The following SUN1 variants were observed in gnomAD, a reference collection of about 807,000 sequenced individuals.
SUN1 encodes SUN domain-containing protein 1.
In SUN1, 61 loss-of-function variants were observed where a neutral mutation model predicts 103.2. The observed-to-expected ratio is 0.59, with a 90% CI of 0.48 to 0.73. The LOEUF (loss-of-function observed/expected upper bound fraction) is 0.73. SUN1 is among the 30% of genes least tolerant of loss of function. SUN1 has a pLI of 0.00. For synonymous variants in SUN1, 490 were observed against 425.7 expected (o/e 1.15, Z -1.86); for missense variants, 1,052 against 1,034.6 (o/e 1.02, Z -0.23).
chr7:849,967 G>T (rs562491241), intron 5 of SUN1: 4 of 1,601,962 alleles, frequency 2.5e-6, no homozygotes, highest in Non-Finnish European at 3.4e-6. Context: ...GCACACAGCC[G>T]CCCACTCGCA....
At chr7:866,789 C>T (rs1837318019) in intron 16 of SUN1, among the ~76,000 whole-genome samples, 1 of 144,478 alleles carries the variant, frequency 6.9e-6, no homozygotes, top group Non-Finnish European at 1.5e-5. Context: ...CTCCCCGCCC[C>T]CTTCTCCCTG....
At chr7:848,116 G>A (rs1406793849) in intron 5 of SUN1, among the ~76,000 whole-genome samples, 2 of 150,556 alleles carry the variant, frequency 1.3e-5, no homozygotes, top group Non-Finnish European at 3.0e-5. Context: ...CCCTCTCCGG[G>A]ATCCCCTGGG....
At chr7:853,075 C>T (rs1823773274) in intron 9 of SUN1, 123 bp downstream of exon 9, 1 of 1,318,810 alleles carries the variant, frequency 7.6e-7, no homozygotes, top group Non-Finnish European at 1.0e-6. Flanking sequence ...TTTTAAATGT[C>T]AGATAAGCAA....
intron 1 of SUN1, among the ~76,000 whole-genome samples, chr7:836,946 G>A (rs1489551809): frequency 2.0e-5 from 3 of 152,232 alleles, no homozygotes; most frequent in Non-Finnish European, 4.4e-5. Flanking sequence ...CGTCAGACGT[G>A]GGGCGGATGG....
intron 13 of SUN1, among the ~76,000 whole-genome samples, chr7:859,809 C>T (rs1401381795): frequency 6.6e-6 from 1 of 152,180 alleles, no homozygotes; most frequent in Admixed American, 6.5e-5. Context: ...ACCTGTGCGC[C>T]TCGCTGCGGG....
rs894249100 is a variant in SUN1 at position 839,632 on chromosome 7, A to G, written c.266+646A>G. Among the ~76,000 whole-genome samples the G allele has an allele frequency of 2.8e-5, 2 of 71,914 alleles. 1 individual carries two copies. Among genetic ancestry groups the G allele is most frequent in the Non-Finnish European group, 5.8e-5 (2 of 34,402 alleles). The allele number at this position is 71,914 out of a possible 152,430, so 47.2% of individuals were successfully genotyped here. On this transcript the variant is annotated intron_variant, in intron 2 of 18. Coordinates refer to ENST00000401592, the MANE Select transcript of SUN1 (RefSeq NM_001130965.3). ...TGGTGGCGTGATCTTGGCTCACTGCAGCCTCTGCCTCCCGGGTTCAAGAGA... is the reference window on the plus strand; with the variant it reads ...TGGTGGCGTGATCTTGGCTCACTGCGGCCTCTGCCTCCCGGGTTCAAGAGA...
In SUN1 at chr7:843,459, G is replaced by A. The variant is rs374832216; in HGVS notation, c.597G>A (p.Thr199=). ...TGTCCGAGCGCAAGGACGTGCTCAC[G>A]GCGCACCCCGCGGCCCCCGGGCCCG... ...SMLSERKDVL[T]AHPAAPGPVS... is the part of the protein sequence containing the mutation. Residue 199 remains threonine (T), a synonymous_variant, in exon 5 of 19, where the codon ACG becomes ACA. Coordinates refer to ENST00000401592, the MANE Select transcript of SUN1 (RefSeq NM_001130965.3). The A allele has an allele frequency of 5.8e-5, 94 of 1,613,986 alleles. No individual in the cohort carries two copies. The highest frequency in any genetic ancestry group is 1.6e-4 in the Middle Eastern group (1 of 6,084).
intron 1 of SUN1, chr7:832,815 T>G (rs1584256857): frequency 1.9e-6 from 1 of 536,638 alleles, no homozygotes; most frequent in Non-Finnish European, 3.3e-6. Flanking sequence ...GACTGGGTGG[T>G]TAGTCATCGC....
Position 859,202 on chromosome 7 carries a change from G to C in SUN1, c.1525-926G>C, listed in dbSNP as rs186621320. Among the ~76,000 whole-genome samples, 5 of 152,126 alleles carry C rather than the reference G, an allele frequency of 3.3e-5. No homozygotes were observed. In the East Asian group the frequency reaches 7.7e-4, roughly 24 times the overall value. ...AAAAGCATGTCACCGTGCTATCAGG[G>C]AGCTGAGTCCTACTGATGGGACTTG... On this transcript the variant is annotated intron_variant, in intron 13 of 18. Transcript: ENST00000401592.
chr7:869,141 T>A, intron 16 of SUN1: 8 of 604,332 alleles, frequency 1.3e-5, no homozygotes, highest in East Asian at 5.8e-5. Flanking sequence ...TCGTTTTAAC[T>A]TTTATACAAC....
At chr7:866,516 G>A (rs13308837) in intron 16 of SUN1, among the ~76,000 whole-genome samples, 9 of 23,518 alleles carry the variant, frequency 3.8e-4, no homozygotes, top group South Asian at 1.3e-3. Context: ...TTTGCCCCCC[G>A]TCTCCCCGGG....
chr7:815,933 A>G, upstream of SUN1: 1 of 208,982 alleles, frequency 4.8e-6, no homozygotes, highest in Non-Finnish European at 1.0e-5. Flanking sequence ...GGCCGAGGTG[A>G]GCCCCGTCGG....
chr7:819,511 C>G (rs1335018305), intron 1 of SUN1, among the ~76,000 whole-genome samples: 1 of 152,044 alleles, frequency 6.6e-6, no homozygotes, highest in East Asian at 1.9e-4. Flanking sequence ...TGAGTTCATT[C>G]TTGTGTATGA....
upstream of SUN1, among the ~76,000 whole-genome samples, chr7:827,755 C>T (rs1332176673): frequency 5.3e-5 from 8 of 151,764 alleles, no homozygotes; most frequent in African/African-American, 9.7e-5. Flanking sequence ...CGTGAGCCAC[C>T]GTGCCTGGCC....
chr7:866,171 C>A, intron 16 of SUN1, 104 bp downstream of exon 16: 2 of 960,004 alleles, frequency 2.1e-6, no homozygotes, highest in Non-Finnish European at 3.2e-6. Flanking sequence ...AAGATGAACA[C>A]GTCTGTGGAA....
At chr7:860,053 C>G in intron 13 of SUN1, 75 bp from the exon 14 acceptor site, 1 of 1,552,354 alleles carries the variant, frequency 6.4e-7, no homozygotes, top group Non-Finnish European at 8.7e-7. Context: ...TCTGAGGTAT[C>G]TAAGATAATG....
At chr7:827,074 G>A (rs1792831640) in intron 1 of SUN1, among the ~76,000 whole-genome samples, 9 of 152,200 alleles carry the variant, frequency 5.9e-5, no homozygotes. Flanking sequence ...CCAGGCTGGA[G>A]TGCAGCGGCA....
rs1802206498 is a variant in SUN1, at chr7:835,512, C to T, written c.77+2911C>T. On this transcript the variant is annotated intron_variant, in intron 1 of 18. Coordinates refer to ENST00000401592, the MANE Select transcript of SUN1 (RefSeq NM_001130965.3). ...ACAATTAATTTTTTTTTAAATTAGC[C>T]TAAACAGGATCCTCATGTTACATTG... Among the ~76,000 whole-genome samples the T allele has an allele frequency of 2.0e-5, 3 of 152,144 alleles. 1 individual carries two copies. Among genetic ancestry groups the T allele is most frequent in the South Asian group, 4.1e-4 (2 of 4,830 alleles).
chr7:859,280 T>A (rs137887395), intron 13 of SUN1, among the ~76,000 whole-genome samples: 28 of 152,042 alleles, frequency 1.8e-4, no homozygotes, highest in African/African-American at 5.3e-4. Flanking sequence ...GGACGATGGC[T>A]GCTATCAGCG....
Sources: gnomAD v4.1 joint callset for allele counts (sites outside exome capture counted in the v4.1 genomes callset) on GRCh38, gnomAD v4.1.1 for gene constraint, MANE v1.5 for transcripts, NCBI Gene and HGNC (gene_info 2026-07-23, HGNC 2026-07-21) for gene names.